Variants in MMP16 observed in about 807,000 individuals in gnomAD.
The protein encoded by MMP16 is matrix metalloproteinase-16.
Under a neutral mutation model 67.8 loss-of-function variants are expected in MMP16, and 12 were observed. The observed-to-expected ratio is 0.18, with a 90% CI of 0.11 to 0.29. The LOEUF (loss-of-function observed/expected upper bound fraction) is 0.29, where lower values mean the gene tolerates loss of function less well. Ranked by LOEUF, MMP16 falls within the 10% of genes least tolerant of loss-of-function variation. MMP16 has a pLI of 1.00. For synonymous variants in MMP16, 249 were observed against 255.9 expected (o/e 0.97, Z 0.26); for missense variants, 475 against 765.7 (o/e 0.62, Z 4.48).
intron 6 of MMP16, among the ~76,000 whole-genome samples, chr8:88,110,216 G>A (rs998880455): frequency 2.6e-5 from 4 of 151,248 alleles, no homozygotes; most frequent in Non-Finnish European, 4.4e-5. Flanking sequence ...TGGAAACTCA[G>A]GTAACTGAGT....
intron 8 of MMP16, among the ~76,000 whole-genome samples, chr8:88,047,190 C>A (rs923587373): frequency 1.3e-5 from 2 of 152,052 alleles, no homozygotes; most frequent in Non-Finnish European, 2.9e-5. Flanking sequence ...TCTTAGGAAG[C>A]AGAACATTTT....
At chr8:88,251,557 C>T (rs1810222232) in intron 1 of MMP16, among the ~76,000 whole-genome samples, 1 of 124,200 alleles carries the variant, frequency 8.1e-6, no homozygotes, top group African/African-American at 3.4e-5. Context: ...AAAACCTAGG[C>T]ATTACCATTC....
At chr8:88,218,622 T>C (rs910625892) in intron 1 of MMP16, among the ~76,000 whole-genome samples, 1 of 152,060 alleles carries the variant, frequency 6.6e-6, no homozygotes, top group Admixed American at 6.6e-5. Flanking sequence ...ATTTATCAAT[T>C]ATACCTTGAT....
intron 1 of MMP16, among the ~76,000 whole-genome samples, chr8:88,305,074 A>G (rs1811192619): frequency 6.6e-6 from 1 of 152,194 alleles, no homozygotes; most frequent in African/African-American, 2.4e-5. Flanking sequence ...AAAGACACAT[A>G]GGCTTGAAAT....
At chr8:88,289,862 T>C (rs550369631) in intron 1 of MMP16, among the ~76,000 whole-genome samples, 1 of 152,222 alleles carries the variant, frequency 6.6e-6, no homozygotes, top group South Asian at 2.1e-4. Flanking sequence ...CACTAGCAAG[T>C]GCCAGAGTAG....
At chr8:88,234,753 C>T (rs953258632) in intron 1 of MMP16, among the ~76,000 whole-genome samples, 1 of 152,240 alleles carries the variant, frequency 6.6e-6, no homozygotes, top group Admixed American at 6.5e-5. Context: ...AAAAAGGTTA[C>T]AGACTGATGG....
chr8:88,237,944 A>G (rs947736555), intron 1 of MMP16, among the ~76,000 whole-genome samples: 2 of 152,230 alleles, frequency 1.3e-5, no homozygotes, highest in Non-Finnish European at 2.9e-5. Context: ...CTCTTTCATA[A>G]AAAACTGGGT....
intron 1 of MMP16, among the ~76,000 whole-genome samples, chr8:88,324,002 C>T (rs535757218): frequency 5.1e-4 from 77 of 152,234 alleles, no homozygotes; most frequent in African/African-American, 1.8e-3. Flanking sequence ...CTAATTATCA[C>T]ATACTGAAAG....
intron 1 of MMP16, among the ~76,000 whole-genome samples, chr8:88,204,182 G>T (rs1235409944): frequency 6.6e-6 from 1 of 152,120 alleles, no homozygotes; most frequent in Non-Finnish European, 1.5e-5. Context: ...AAGCCCATTT[G>T]TTAAAAATAT....
chr8:88,315,550 AT>A (rs1274634996), intron 1 of MMP16, among the ~76,000 whole-genome samples: 3 of 152,222 alleles, frequency 2.0e-5, no homozygotes, highest in African/African-American at 7.2e-5. Flanking sequence ...TAGTATTGTA[AT>A]TGTTTCAGAG....
At chr8:88,123,448 C>A (rs1483266317) in intron 4 of MMP16, among the ~76,000 whole-genome samples, 2 of 151,056 alleles carry the variant, frequency 1.3e-5, no homozygotes, top group African/African-American at 4.9e-5. Flanking sequence ...TTTTGTTGTA[C>A]CTATGCTATT....
intron 1 of MMP16, among the ~76,000 whole-genome samples, chr8:88,262,978 TC>T (rs1810413234): frequency 1.3e-5 from 2 of 150,208 alleles, no homozygotes; most frequent in South Asian, 4.2e-4. Flanking sequence ...TGAGCCGAGA[TC>T]GCGCCACTGC....
intron 1 of MMP16, among the ~76,000 whole-genome samples, chr8:88,269,129 A>G (rs996157926): frequency 7.9e-5 from 12 of 152,214 alleles, no homozygotes; most frequent in African/African-American, 2.7e-4. Flanking sequence ...ACAGGAAAGC[A>G]CTGCATATTG....
At chr8:88,219,206 C>G (rs1197303893) in intron 1 of MMP16, among the ~76,000 whole-genome samples, 1 of 151,928 alleles carries the variant, frequency 6.6e-6, no homozygotes, top group Non-Finnish European at 1.5e-5. Context: ...AATAGCCAAG[C>G]ATGACCTCAC....
At chr8:88,303,513 T>C (rs1811164528) in intron 1 of MMP16, among the ~76,000 whole-genome samples, 1 of 152,218 alleles carries the variant, frequency 6.6e-6, no homozygotes. Context: ...TGACTGGGCG[T>C]GCCCTCCCAA....
chr8:88,078,976 C>T (rs1190323215), intron 6 of MMP16, among the ~76,000 whole-genome samples: 2 of 152,164 alleles, frequency 1.3e-5, no homozygotes, highest in African/African-American at 4.8e-5. Flanking sequence ...CAAGCTGCCA[C>T]TGTATTTCAC....
intron 1 of MMP16, among the ~76,000 whole-genome samples, chr8:88,312,026 C>G (rs1414188156): frequency 6.6e-6 from 1 of 152,124 alleles, no homozygotes; most frequent in Non-Finnish European, 1.5e-5. Flanking sequence ...AACTTGAACA[C>G]CCATGTGGTA....
At chr8:88,081,789 T>A (rs952875691) in intron 6 of MMP16, among the ~76,000 whole-genome samples, 2 of 152,216 alleles carry the variant, frequency 1.3e-5, no homozygotes, top group African/African-American at 4.8e-5. Context: ...TTAAAATGTA[T>A]TACTAGATTC....
At chr8:88,074,466 T>C in intron 7 of MMP16, 139 bp downstream of exon 7, 4 of 684,230 alleles carry the variant, frequency 5.8e-6, no homozygotes, top group Middle Eastern at 4.0e-4. Flanking sequence ...ATTATCTTCA[T>C]TTATATTTCT....
Sources: allele counts gnomAD v4.1 joint callset (sites outside exome capture counted in the v4.1 genomes callset), GRCh38; gene constraint gnomAD v4.1.1; transcripts MANE v1.5; gene names NCBI Gene and HGNC (gene_info 2026-07-23, HGNC 2026-07-21).